The following DAB1 variants were observed in gnomAD, a reference collection of about 807,000 sequenced individuals.
DAB1 encodes DAB adaptor protein 1, also known as disabled homolog 1.
DAB1 carries 15 observed loss-of-function variants against 64.6 expected under a neutral mutation model. That is an observed-to-expected ratio of 0.23 (90% confidence interval 0.16 to 0.36). DAB1 has a LOEUF of 0.36. Among genes scored for constraint, DAB1 ranks in the 10% least tolerant of loss-of-function variants. DAB1 has a pLI of 1.00. For synonymous variants in DAB1, 235 were observed against 251.9 expected (o/e 0.93, Z 0.64); for missense variants, 596 against 706.7 (o/e 0.84, Z 1.78).
At chr1:57,001,951 G>A (rs1645884776) in intron 14 of DAB1, among the ~76,000 whole-genome samples, 1 of 152,110 alleles carries the variant, frequency 6.6e-6, no homozygotes, top group Non-Finnish European at 1.5e-5. Flanking sequence ...GAGCTCCACT[G>A]GGCCTTGCAT....
chr1:58,091,586 C>T (rs1650657940), intron 5 of DAB1, among the ~76,000 whole-genome samples: 1 of 152,170 alleles, frequency 6.6e-6, no homozygotes, highest in Non-Finnish European at 1.5e-5. Flanking sequence ...TGGCAAATCA[C>T]AGACATGAGA....
intron 5 of DAB1, among the ~76,000 whole-genome samples, chr1:57,991,296 C>T (rs1403247224): frequency 2.6e-5 from 4 of 152,118 alleles, no homozygotes; most frequent in Non-Finnish European, 2.9e-5. Flanking sequence ...TTTCTGGTAA[C>T]CTAAAATTTC....
chr1:57,242,784 A>G (rs551311398), intron 2 of DAB1, among the ~76,000 whole-genome samples: 1 of 152,324 alleles, frequency 6.6e-6, no homozygotes, highest in African/African-American at 2.4e-5. Flanking sequence ...CAATGTTTAA[A>G]CCTGCTTTTC....
chr1:57,010,541 A>G (rs1023378053), intron 14 of DAB1, 139 bp downstream of exon 14: 2 of 470,196 alleles, frequency 4.3e-6, no homozygotes, highest in Admixed American at 3.5e-5. Context: ...GGAAGGAGCG[A>G]TGGTGCAAAC....
chr1:57,055,222 GTATA>G (rs1557638645), intron 9 of DAB1, among the ~76,000 whole-genome samples: 1 of 152,182 alleles, frequency 6.6e-6, no homozygotes, highest in African/African-American at 2.4e-5. Flanking sequence ...CAGATGAAAT[GTATA>G]TTTCTAGGAG....
intron 3 of DAB1, among the ~76,000 whole-genome samples, chr1:58,489,556 G>A (rs988626009): frequency 1.3e-5 from 2 of 152,216 alleles, no homozygotes; most frequent in Admixed American, 1.3e-4. Flanking sequence ...AACCTCTGCA[G>A]ACTTAAATGT....
chr1:57,895,568 C>G (rs1342911213), intron 5 of DAB1, among the ~76,000 whole-genome samples: 1 of 152,192 alleles, frequency 6.6e-6, no homozygotes, highest in African/African-American at 2.4e-5. Context: ...AGGAAGCATA[C>G]AGTGTAGCAA....
In DAB1 at chr1:58,061,182, C is replaced by A. The variant is rs2025617; in HGVS notation, n.387+89329G>T. 2.4e-3 allele frequency among the ~76,000 whole-genome samples: 367 copies of A among 152,116 alleles called. 1 individual carries two copies. The highest frequency in any genetic ancestry group is 4.6e-3 in the African/African-American group (193 of 41,520). On this transcript the variant is annotated intron_variant and non_coding_transcript_variant, in intron 5 of 20. Transcript: ENST00000485760. ...GAATATGCAGTGACAAATCCACAGG[C>A]TTTCGAATGAAAAAGACCCACGGGT... is the stretch of plus-strand genomic sequence containing the variant.
At chr1:57,062,785 C>T in intron 9 of DAB1, 99 bp downstream of exon 9, 2 of 967,824 alleles carry the variant, frequency 2.1e-6, no homozygotes, top group Non-Finnish European at 3.2e-6. Flanking sequence ...GGGGCCATGA[C>T]ACTCATTCCA....
intron 4 of DAB1, among the ~76,000 whole-genome samples, chr1:58,303,956 G>A (rs751823739): frequency 6.6e-6 from 1 of 152,028 alleles, no homozygotes; most frequent in Admixed American, 6.6e-5. Flanking sequence ...CAACTCAGCT[G>A]GGGATGAACA....
intron 1 of DAB1, among the ~76,000 whole-genome samples, chr1:57,367,396 C>T (rs971691955): frequency 1.1e-4 from 17 of 152,206 alleles, no homozygotes; most frequent in African/African-American, 4.1e-4. Flanking sequence ...GAGCAACACA[C>T]ATTTCCAGAG....
chr1:57,642,604 C>G (rs1253812780), intron 7 of DAB1, among the ~76,000 whole-genome samples: 1 of 152,156 alleles, frequency 6.6e-6, no homozygotes, highest in East Asian at 1.9e-4. Context: ...CTCCCCAACG[C>G]TAAAAATAAA....
intron 1 of DAB1, among the ~76,000 whole-genome samples, chr1:57,301,644 C>T (rs1673670699): frequency 6.6e-6 from 1 of 152,198 alleles, no homozygotes; most frequent in Non-Finnish European, 1.5e-5. Context: ...TATATACCGC[C>T]ATTATTTATT....
At chr1:57,578,747 T>A (rs1645279393) in intron 7 of DAB1, among the ~76,000 whole-genome samples, 1 of 152,238 alleles carries the variant, frequency 6.6e-6, no homozygotes, top group South Asian at 2.1e-4. Context: ...ATTAATTTAG[T>A]TACACATTCA....
intron 4 of DAB1, among the ~76,000 whole-genome samples, chr1:58,176,789 C>T (rs1656505681): frequency 1.3e-5 from 2 of 152,104 alleles, no homozygotes; most frequent in South Asian, 4.1e-4. Context: ...ACCATCCTCG[C>T]TAACACGGTG....
chr1:58,402,033 T>G (rs1644574131), intron 3 of DAB1, among the ~76,000 whole-genome samples: 1 of 152,128 alleles, frequency 6.6e-6, no homozygotes, highest in Non-Finnish European at 1.5e-5. Context: ...CTTGATGGAG[T>G]CTTGAGTATA....
intron 2 of DAB1, among the ~76,000 whole-genome samples, chr1:57,214,577 A>G (rs1042676439): frequency 1.3e-5 from 2 of 152,140 alleles, no homozygotes; most frequent in East Asian, 3.9e-4. Context: ...TGCCCTACCT[A>G]GCCTAAGAGG....
At chr1:57,835,732 C>T (rs964330379) in intron 1 of DAB1, among the ~76,000 whole-genome samples, 8 of 152,182 alleles carry the variant, frequency 5.3e-5, no homozygotes, top group African/African-American at 1.9e-4. Flanking sequence ...TGCTGTTTTG[C>T]TGGAGAAACA....
chr1:58,184,051 C>T (rs1244685455), intron 4 of DAB1, among the ~76,000 whole-genome samples: 1 of 151,822 alleles, frequency 6.6e-6, no homozygotes, highest in Non-Finnish European at 1.5e-5. Flanking sequence ...TTCTAACTTT[C>T]AGCTTGCCCA....
Sources: gnomAD v4.1 joint callset for allele counts (sites outside exome capture counted in the v4.1 genomes callset) on GRCh38, gnomAD v4.1.1 for gene constraint, MANE v1.5 for transcripts, NCBI Gene and HGNC (gene_info 2026-07-23, HGNC 2026-07-21) for gene names.